DRC11: variants seen among roughly 807,000 people sequenced by gnomAD.
DRC11 encodes the protein dynein regulatory complex subunit 11, also known as IQ and AAA domain-containing protein 1.
At chr2:236,422,729 AG>A in the DRC11 span, among the ~76,000 whole-genome samples, 1 of 152,238 alleles carries the variant, frequency 6.6e-6, no homozygotes. Flanking sequence ...ACCAAAAAGG[AG>A]CCCGCATTGC....
the DRC11 span, among the ~76,000 whole-genome samples, chr2:236,478,304 A>G: frequency 6.6e-6 from 1 of 152,078 alleles, no homozygotes; most frequent in Admixed American, 6.6e-5. This position sits in a 1 kb window ranked among gnomAD's most constrained non-coding sequence, Gnocchi z 5.9. Flanking sequence ...TCATTGACCC[A>G]TTGGTCATTC....
chr2:236,462,135 TG>T, the DRC11 span, among the ~76,000 whole-genome samples: 1 of 151,938 alleles, frequency 6.6e-6, no homozygotes, highest in Non-Finnish European at 1.5e-5. This position sits in a 1 kb window ranked among gnomAD's most constrained non-coding sequence, Gnocchi z 6.4. Context: ...CTGGGCAGCA[TG>T]GTGTGGGGCT....
the DRC11 span, among the ~76,000 whole-genome samples, chr2:236,439,080 G>T: frequency 6.7e-6 from 1 of 150,056 alleles, no homozygotes; most frequent in Non-Finnish European, 1.5e-5. Context: ...TGTGTAGAGG[G>T]AAATTTATAG....
At chr2:236,459,516 TACATGTATAC>T in the DRC11 span, among the ~76,000 whole-genome samples, 2 of 99,064 alleles carry the variant, frequency 2.0e-5, no homozygotes, top group Admixed American at 2.2e-4. Context: ...CGTATACGTA[TACATGTATAC>T]ATGTATACGT....
the DRC11 span, among the ~76,000 whole-genome samples, chr2:236,323,440 C>T: frequency 3.5e-3 from 540 of 152,302 alleles, no homozygotes; most frequent in Non-Finnish European, 6.2e-3. The surrounding 1 kb of genome is among the most constrained non-coding windows in gnomAD (Gnocchi z 6.4). Flanking sequence ...CGAGGGGACA[C>T]TCAGGAGGAG....
At chr2:236,311,911 C>T in the DRC11 span, among the ~76,000 whole-genome samples, 1 of 151,984 alleles carries the variant, frequency 6.6e-6, no homozygotes, top group African/African-American at 2.4e-5. This position sits in a 1 kb window ranked among gnomAD's most constrained non-coding sequence, Gnocchi z 6.9. Context: ...GCCCCTTTTC[C>T]TCCTATTTCT....
the DRC11 span, among the ~76,000 whole-genome samples, chr2:236,456,144 T>A: frequency 6.6e-6 from 1 of 152,224 alleles, no homozygotes; most frequent in Non-Finnish European, 1.5e-5. This position sits in a 1 kb window ranked among gnomAD's most constrained non-coding sequence, Gnocchi z 5.4. Flanking sequence ...TATCTGAGAA[T>A]CTGATGGACT....
the DRC11 span, among the ~76,000 whole-genome samples, chr2:236,490,007 T>C: frequency 1.3e-5 from 2 of 152,098 alleles, no homozygotes; most frequent in Non-Finnish European, 2.9e-5. This position sits in a 1 kb window ranked among gnomAD's most constrained non-coding sequence, Gnocchi z 5.5. Context: ...AGGGCAGCAA[T>C]GGTTGCCACA....
chr2:236,388,003 C>G, the DRC11 span, among the ~76,000 whole-genome samples: 6 of 152,132 alleles, frequency 3.9e-5, no homozygotes, highest in Non-Finnish European at 7.4e-5. Context: ...ACTCTCTTCT[C>G]GCTTGTAGGG....
chr2:236,416,721 T>TTATATATATATATA, the DRC11 span, among the ~76,000 whole-genome samples: 20 of 64,244 alleles, frequency 3.1e-4, no homozygotes, highest in Non-Finnish European at 4.1e-4. Context: ...ATATATATAT[T>TTATATATATATATA]TATATATATA....
the DRC11 span, among the ~76,000 whole-genome samples, chr2:236,504,605 C>A: frequency 6.6e-6 from 1 of 152,176 alleles, no homozygotes; most frequent in Non-Finnish European, 1.5e-5. This position sits in a 1 kb window ranked among gnomAD's most constrained non-coding sequence, Gnocchi z 5.0. Context: ...ACTCTGGACA[C>A]CTCCAGGGAC....
the DRC11 span, among the ~76,000 whole-genome samples, chr2:236,383,644 T>G: frequency 0.032 from 4,879 of 150,870 alleles, 198 homozygotes; most frequent in African/African-American, 0.1. Context: ...TTTTTTTTTT[T>G]TTTGTTTTGT....
the DRC11 span, chr2:236,380,642 G>GA: frequency 8.4e-6 from 13 of 1,539,498 alleles, no homozygotes; most frequent in East Asian, 2.4e-5. The surrounding 1 kb of genome is among the most constrained non-coding windows in gnomAD (Gnocchi z 4.9). Flanking sequence ...TTCTTCTTTG[G>GA]AAAAAAAGGA....
chr2:236,425,148 C>T, the DRC11 span, among the ~76,000 whole-genome samples: 1 of 151,988 alleles, frequency 6.6e-6, no homozygotes, highest in Non-Finnish European at 1.5e-5. Context: ...CTCTTTGACA[C>T]ACTGATTTCA....
chr2:236,326,184 A>G, the DRC11 span, among the ~76,000 whole-genome samples: 1 of 152,222 alleles, frequency 6.6e-6, no homozygotes, highest in African/African-American at 2.4e-5. Context: ...GGAGTTTATT[A>G]GTTAATAAAT....
chr2:236,408,026 T>G, the DRC11 span: 1 of 565,438 alleles, frequency 1.8e-6, no homozygotes, highest in Non-Finnish European at 3.4e-6. This position sits in a 1 kb window ranked among gnomAD's most constrained non-coding sequence, Gnocchi z 5.5. Flanking sequence ...AGCAAAGACT[T>G]GTGGAGGGTG....
At chr2:236,332,582 A>G in the DRC11 span, 2 of 152,212 alleles carry the variant, frequency 1.3e-5, no homozygotes, top group African/African-American at 2.4e-5. This position sits in a 1 kb window ranked among gnomAD's most constrained non-coding sequence, Gnocchi z 5.1. Flanking sequence ...AATGACCATG[A>G]CTACCTGATC....
chr2:236,426,153 T>C, the DRC11 span, among the ~76,000 whole-genome samples: 1 of 152,060 alleles, frequency 6.6e-6, no homozygotes. The surrounding 1 kb of genome is among the most constrained non-coding windows in gnomAD (Gnocchi z 4.1). Context: ...AGAATTGCTT[T>C]TTCTATTTCT....
the DRC11 span, chr2:236,497,222 G>T: frequency 6.2e-7 from 1 of 1,613,342 alleles, no homozygotes; most frequent in Non-Finnish European, 8.5e-7. This position sits in a 1 kb window ranked among gnomAD's most constrained non-coding sequence, Gnocchi z 5.1. Flanking sequence ...GTGAGTTCCA[G>T]CTCCACCATC....
Sources: gnomAD v4.1 joint callset for allele counts (sites outside exome capture counted in the v4.1 genomes callset) on GRCh38, gnomAD v4.1.1 for gene constraint, Gnocchi (gnomAD v3.1) non-coding constraint, MANE v1.5 for transcripts, NCBI Gene and HGNC (gene_info 2026-07-23, HGNC 2026-07-21) for gene names.